Variants in HEMK2 observed in about 807,000 individuals in gnomAD.
HEMK2 encodes HemK methyltransferase 2, ETF1 glutamine and histone H4 lysine.
chr21:28,636,469 G>A, the HEMK2 span, among the ~76,000 whole-genome samples: 1 of 151,992 alleles, frequency 6.6e-6, no homozygotes, highest in Non-Finnish European at 1.5e-5. Context: ...TTGGCTTTCC[G>A]TTGATCCACC....
At chr21:28,623,835 G>C in the HEMK2 span, among the ~76,000 whole-genome samples, 2 of 152,142 alleles carry the variant, frequency 1.3e-5, no homozygotes, top group African/African-American at 4.8e-5. Context: ...GCCTGTAGGA[G>C]GGCTAAGGGG....
chr21:28,594,724 T>C, the HEMK2 span, among the ~76,000 whole-genome samples: 1 of 152,224 alleles, frequency 6.6e-6, no homozygotes, highest in Non-Finnish European at 1.5e-5. Flanking sequence ...AATCTCTTTT[T>C]CCTTTGTAGA....
the HEMK2 span, among the ~76,000 whole-genome samples, chr21:28,796,233 A>G: frequency 1.9e-3 from 283 of 151,678 alleles, 2 homozygotes; most frequent in African/African-American, 6.4e-3. Flanking sequence ...CACCCGCCCC[A>G]CTCTCTGCGA....
the HEMK2 span, among the ~76,000 whole-genome samples, chr21:28,633,506 C>T: frequency 6.6e-6 from 1 of 152,104 alleles, no homozygotes; most frequent in Non-Finnish European, 1.5e-5. Context: ...GGAAGCCTAC[C>T]AAATAAATGG....
At chr21:28,734,052 C>G in the HEMK2 span, among the ~76,000 whole-genome samples, 26 of 112,412 alleles carry the variant, frequency 2.3e-4, no homozygotes, top group Non-Finnish European at 3.7e-4. Context: ...TGCAGACCTC[C>G]TATTACTGAA....
the HEMK2 span, among the ~76,000 whole-genome samples, chr21:28,777,184 T>C: frequency 6.6e-6 from 1 of 152,232 alleles, no homozygotes; most frequent in African/African-American, 2.4e-5. Context: ...AGAAGGCTTA[T>C]GATATGGCAA....
the HEMK2 span, among the ~76,000 whole-genome samples, chr21:28,577,553 A>G: frequency 1.3e-5 from 2 of 152,132 alleles, no homozygotes; most frequent in Non-Finnish European, 1.5e-5. Context: ...TGCCCACCTA[A>G]CAACTTTTTA....
chr21:28,793,026 GA>G, the HEMK2 span, among the ~76,000 whole-genome samples: 1 of 152,228 alleles, frequency 6.6e-6, no homozygotes, highest in Non-Finnish European at 1.5e-5. Flanking sequence ...AAGAAAACTG[GA>G]GAAGGTAACT....
chr21:28,593,088 T>G, the HEMK2 span, among the ~76,000 whole-genome samples: 1 of 151,860 alleles, frequency 6.6e-6, no homozygotes, highest in Non-Finnish European at 1.5e-5. Flanking sequence ...CCCAGCTACT[T>G]AGGAGGCTGA....
At chr21:28,841,330 TAAA>T in the HEMK2 span, among the ~76,000 whole-genome samples, 1 of 16,468 alleles carries the variant, frequency 6.1e-5, no homozygotes, top group Non-Finnish European at 8.4e-5. Flanking sequence ...ATATTATATA[TAAA>T]TATATATTAT....
the HEMK2 span, among the ~76,000 whole-genome samples, chr21:28,793,195 A>G: frequency 1.3e-5 from 2 of 152,312 alleles, no homozygotes; most frequent in African/African-American, 4.8e-5. Context: ...ATGGTCTTTG[A>G]GCCACTAGTC....
the HEMK2 span, among the ~76,000 whole-genome samples, chr21:28,761,773 C>T: frequency 1.3e-3 from 191 of 151,828 alleles, no homozygotes; most frequent in African/African-American, 4.4e-3. Context: ...AGAGAAGGCA[C>T]GCAACAGGTT....
chr21:28,762,285 A>G, the HEMK2 span, among the ~76,000 whole-genome samples: 2 of 152,110 alleles, frequency 1.3e-5, no homozygotes, highest in Non-Finnish European at 2.9e-5. Flanking sequence ...AGGCTTGCAC[A>G]AGGAAACAAA....
chr21:28,709,344 C>G, the HEMK2 span, among the ~76,000 whole-genome samples: 2 of 152,130 alleles, frequency 1.3e-5, no homozygotes, highest in African/African-American at 2.4e-5. Context: ...AAATTACCTT[C>G]CATTGTGGAA....
At chr21:28,841,053 AT>A in the HEMK2 span, among the ~76,000 whole-genome samples, 8 of 51,328 alleles carry the variant, frequency 1.6e-4, no homozygotes, top group East Asian at 6.0e-4. Flanking sequence ...ATAAATAAAT[AT>A]TATATATAAA....
chr21:28,773,297 A>G, the HEMK2 span, among the ~76,000 whole-genome samples: 1 of 152,104 alleles, frequency 6.6e-6, no homozygotes, highest in Admixed American at 6.6e-5. Flanking sequence ...TTAAAGTAGG[A>G]TCTTCTGTAT....
At chr21:28,585,394 C>T in the HEMK2 span, among the ~76,000 whole-genome samples, 3 of 151,236 alleles carry the variant, frequency 2.0e-5, no homozygotes, top group African/African-American at 4.9e-5. Context: ...AAATGTATCA[C>T]CTTCAGTGAA....
the HEMK2 span, among the ~76,000 whole-genome samples, chr21:28,594,044 A>G: frequency 6.6e-6 from 1 of 152,230 alleles, no homozygotes; most frequent in South Asian, 2.1e-4. Flanking sequence ...CCCTGACATG[A>G]TGTGATGAGA....
At chr21:28,800,251 C>A in the HEMK2 span, among the ~76,000 whole-genome samples, 2 of 152,106 alleles carry the variant, frequency 1.3e-5, no homozygotes, top group Admixed American at 1.3e-4. Flanking sequence ...CTCATGCTGA[C>A]GTACATGTGA....
Sources: allele counts gnomAD v4.1 joint callset (sites outside exome capture counted in the v4.1 genomes callset), GRCh38; gene constraint gnomAD v4.1.1; transcripts MANE v1.5; gene names NCBI Gene and HGNC (gene_info 2026-07-23, HGNC 2026-07-21).